SYNPR: variants seen among roughly 807,000 people sequenced by gnomAD.
SYNPR encodes synaptoporin.
In SYNPR, 23 loss-of-function variants were observed where a neutral mutation model predicts 32.9. The observed-to-expected ratio is 0.70, with a 90% CI of 0.50 to 0.99. The LOEUF (loss-of-function observed/expected upper bound fraction) is 0.99. Ranked by LOEUF, SYNPR falls within the 50% of genes least tolerant of loss-of-function variation. The probability of loss-of-function intolerance (pLI) is 0.00; values close to 1 mark genes in which losing one functional copy is unlikely to be tolerated. For missense variants in SYNPR, 318 were observed against 349.3 expected (o/e 0.91, Z 0.71); for synonymous variants, 146 against 135.9 (o/e 1.07, Z -0.52).
In SYNPR at chr3:63,563,826, C is replaced by A. The variant is rs575721702; in HGVS notation, c.408+7085C>A. ...CTAGAGGAGGAGGTGCATAATCTTG[C>A]CTAGAAGTGAGGGCATGCCCTTTTC... On this transcript the variant is annotated intron_variant, in intron 4 of 5. Transcript: ENST00000478300. 1.4e-4 allele frequency among the ~76,000 whole-genome samples: 22 copies of A among 151,970 alleles called. 1 individual carries two copies. In the South Asian group the frequency reaches 3.5e-3, roughly 24 times the overall value.
chr3:63,556,061 G>C (rs72887392), intron 3 of SYNPR, among the ~76,000 whole-genome samples: 9,665 of 152,222 alleles, frequency 0.063, 1,077 homozygotes, highest in African/African-American at 0.22. Context: ...AAAGAGAACA[G>C]TCAACAACAA....
chr3:63,422,511 T>C (rs1375406816), intron 2 of SYNPR, among the ~76,000 whole-genome samples: 1 of 152,250 alleles, frequency 6.6e-6, no homozygotes, highest in Non-Finnish European at 1.5e-5. Flanking sequence ...GTGCTGGTTT[T>C]ATGGGTATAA....
intron 3 of SYNPR, among the ~76,000 whole-genome samples, chr3:63,537,309 C>T (rs1252946402): frequency 6.6e-6 from 1 of 152,052 alleles, no homozygotes; most frequent in Non-Finnish European, 1.5e-5. Context: ...CACTTCAACC[C>T]CTTTCGTGCC....
intron 2 of SYNPR, among the ~76,000 whole-genome samples, chr3:63,294,772 T>A (rs2086776774): frequency 6.6e-6 from 1 of 152,208 alleles, no homozygotes; most frequent in South Asian, 2.1e-4. Flanking sequence ...CGTGTCTTAT[T>A]TATATTATTT....
the SYNPR span, among the ~76,000 whole-genome samples, chr3:63,219,410 T>C: frequency 9.9e-5 from 15 of 152,094 alleles, no homozygotes; most frequent in African/African-American, 3.4e-4. Context: ...TCATGGAGAG[T>C]TTGGCTTTTC....
intron 3 of SYNPR, among the ~76,000 whole-genome samples, chr3:63,542,604 A>T (rs915693021): frequency 6.6e-6 from 1 of 152,122 alleles, no homozygotes; most frequent in African/African-American, 2.4e-5. Flanking sequence ...ATAACTTTAG[A>T]CAGGGCTCCT....
At chr3:63,294,745 C>T (rs1398061050) in intron 2 of SYNPR, among the ~76,000 whole-genome samples, 1 of 152,000 alleles carries the variant, frequency 6.6e-6, no homozygotes, top group Non-Finnish European at 1.5e-5. Context: ...AATGCTATAA[C>T]ATAAGTTTGC....
At chr3:63,371,477 G>A (rs1475695692) in intron 2 of SYNPR, among the ~76,000 whole-genome samples, 3 of 152,244 alleles carry the variant, frequency 2.0e-5, no homozygotes, top group Middle Eastern at 3.2e-3. Context: ...CCACTGGCCT[G>A]GGACTCCAGC....
intron 4 of SYNPR, among the ~76,000 whole-genome samples, chr3:63,557,503 GA>G (rs1575709699): frequency 6.6e-6 from 1 of 152,174 alleles, no homozygotes; most frequent in Non-Finnish European, 1.5e-5. Flanking sequence ...TTGGGACACT[GA>G]AAAGGGGACC....
intron 2 of SYNPR, among the ~76,000 whole-genome samples, chr3:63,420,444 G>A (rs1245410418): frequency 6.6e-6 from 1 of 152,144 alleles, no homozygotes; most frequent in Non-Finnish European, 1.5e-5. Context: ...ATCTGAAACT[G>A]CAAATCAGTG....
At chr3:63,356,044 C>T (rs1224387990) in intron 2 of SYNPR, among the ~76,000 whole-genome samples, 1 of 152,200 alleles carries the variant, frequency 6.6e-6, no homozygotes, top group African/African-American at 2.4e-5. Context: ...TCATCCTTGG[C>T]CTTAGCTCAA....
chr3:63,301,206 C>CTAA (rs2086841832), intron 2 of SYNPR, among the ~76,000 whole-genome samples: 1 of 152,044 alleles, frequency 6.6e-6, no homozygotes, highest in Non-Finnish European at 1.5e-5. Context: ...AGTAGTATTA[C>CTAA]CGTTATAAGT....
chr3:63,527,041 A>G (rs1702025679), intron 3 of SYNPR, among the ~76,000 whole-genome samples: 1 of 152,158 alleles, frequency 6.6e-6, no homozygotes, highest in South Asian at 2.1e-4. Flanking sequence ...CAATCAGGAA[A>G]TCCTTCCAAG....
chr3:63,223,505 G>C (rs904132505), upstream of SYNPR, among the ~76,000 whole-genome samples: 2 of 151,934 alleles, frequency 1.3e-5, no homozygotes, highest in African/African-American at 4.8e-5. Context: ...ATGATTTGTG[G>C]CAGCCACAAT....
At chr3:63,614,245 A>T (rs535039735) in intron 5 of SYNPR, among the ~76,000 whole-genome samples, 1 of 152,218 alleles carries the variant, frequency 6.6e-6, no homozygotes, top group Non-Finnish European at 1.5e-5. Flanking sequence ...ACCTGTCTCC[A>T]TTAGGGGGCT....
intron 4 of SYNPR, among the ~76,000 whole-genome samples, chr3:63,602,749 C>G (rs1387684670): frequency 6.6e-6 from 1 of 152,068 alleles, no homozygotes; most frequent in Non-Finnish European, 1.5e-5. Flanking sequence ...GTTACTGTAG[C>G]CTTATAGTAT....
chr3:63,355,070 G>A (rs923923711), intron 2 of SYNPR, among the ~76,000 whole-genome samples: 7 of 152,154 alleles, frequency 4.6e-5, no homozygotes, highest in Admixed American at 3.9e-4. Flanking sequence ...TTTGATGTCA[G>A]GAGTTCAAAA....
chr3:63,425,030 A>G (rs1232692765), intron 2 of SYNPR, among the ~76,000 whole-genome samples: 4 of 152,126 alleles, frequency 2.6e-5, no homozygotes, highest in African/African-American at 9.7e-5. Context: ...AGCAGGGAGG[A>G]GGGGAAAGTG....
chr3:63,561,434 C>T (rs1702687345), intron 4 of SYNPR: 1 of 152,152 alleles, frequency 6.6e-6, no homozygotes, highest in African/African-American at 2.4e-5. Context: ...AAATCCAGAG[C>T]TCAATTCATA....
Sources: allele counts gnomAD v4.1 joint callset (sites outside exome capture counted in the v4.1 genomes callset), GRCh38; gene constraint gnomAD v4.1.1; transcripts MANE v1.5; gene names NCBI Gene and HGNC (gene_info 2026-07-23, HGNC 2026-07-21).